Variants in SUN1 observed in about 807,000 individuals in gnomAD.
The protein encoded by SUN1 is Sad1 and UNC84 domain containing 1.
In SUN1, 61 loss-of-function variants were observed where a neutral mutation model predicts 103.2. The ratio of observed to expected loss-of-function variants is 0.59; its 90% CI spans 0.48 to 0.73. The LOEUF (loss-of-function observed/expected upper bound fraction) is 0.73, where lower values mean the gene tolerates loss of function less well. Ranked by LOEUF, SUN1 falls within the 30% of genes least tolerant of loss-of-function variation. SUN1 has a pLI of 0.00. For synonymous variants in SUN1, 490 were observed against 425.7 expected, an observed-to-expected ratio of 1.15 and a Z score of -1.86; for missense variants, 1,052 against 1,034.6, an observed-to-expected ratio of 1.02 and a Z score of -0.23.
chr7:868,418 T>C (rs1178352206), intron 16 of SUN1: 2 of 280,794 alleles, frequency 7.1e-6, no homozygotes, highest in Admixed American at 5.1e-5. Context: ...GGCTGCAGGC[T>C]GCACCGTGGC....
intron 1 of SUN1, chr7:816,795 G>C (rs1780860156): frequency 6.8e-6 from 1 of 148,110 alleles, no homozygotes; most frequent in Non-Finnish European, 1.5e-5. Context: ...CTCAGCGCGG[G>C]CTGCGCCAGG....
intron 1 of SUN1, among the ~76,000 whole-genome samples, chr7:834,119 G>T (rs988404174): frequency 1.3e-5 from 2 of 151,194 alleles, no homozygotes; most frequent in East Asian, 3.9e-4. Flanking sequence ...GGGCTGGCTG[G>T]ATGGTGTAGG....
At chr7:851,657 A>G (rs2128384799) in intron 6 of SUN1, 175 bp downstream of exon 6, 3 of 689,076 alleles carry the variant, frequency 4.4e-6, no homozygotes, top group Non-Finnish European at 7.3e-6. Context: ...TACTTGCTGC[A>G]TGAGCGCCCT....
At chr7:861,317 T>G in intron 14 of SUN1, 63 bp from the exon 15 acceptor site, 1 of 1,571,366 alleles carries the variant, frequency 6.4e-7, no homozygotes, top group Non-Finnish European at 8.8e-7. Context: ...TCCATGGCAC[T>G]AAAACCCACG....
rs769818295 is a variant in SUN1, at chr7:873,545, CAGG to C, written c.*217_*219del. The stretch of plus-strand genomic sequence containing the variant: ...TCTGCAGGTGCAGAGGGGTCAGCAG[CAGG>C]AGAAGCGTGTTGAACACGTGGCTCT... On this transcript the variant is annotated 3_prime_UTR_variant, in exon 19 of 19. Transcript: ENST00000401592. 28 of 523,154 alleles carry C rather than the reference CAGG, an allele frequency of 5.4e-5. 1 individual carries two copies. The highest frequency in any genetic ancestry group is 2.1e-4 in the South Asian group (8 of 37,940). The allele number at this position is 523,154 out of a possible 1,614,324, so 32.4% of individuals were successfully genotyped here.
intron 15 of SUN1, among the ~76,000 whole-genome samples, chr7:863,593 C>T (rs568960987): frequency 8.3e-4 from 126 of 152,322 alleles, no homozygotes; most frequent in Middle Eastern, 3.4e-3. Context: ...GCCATCACCA[C>T]TGCCTTACCC....
At chr7:820,840 G>A (rs1467864292) in intron 1 of SUN1, among the ~76,000 whole-genome samples, 2 of 152,094 alleles carry the variant, frequency 1.3e-5, no homozygotes, top group Non-Finnish European at 2.9e-5. Context: ...AAGATTGTGA[G>A]TATTCAGTTT....
intron 1 of SUN1, 94 bp downstream of exon 1, chr7:832,695 G>T (rs886667915): frequency 1.1e-6 from 1 of 905,590 alleles, no homozygotes; most frequent in South Asian, 1.5e-5. Flanking sequence ...TAGTACTACC[G>T]ACTACATGCT....
intron 9 of SUN1, 171 bp downstream of exon 9, chr7:853,123 A>C (rs965947333): frequency 3.3e-6 from 3 of 901,896 alleles, no homozygotes; most frequent in South Asian, 3.7e-5. Context: ...GATAGTTCAA[A>C]TGCACATTTA....
chr7:863,313 T>A (rs1833779727), intron 15 of SUN1, among the ~76,000 whole-genome samples: 1 of 152,046 alleles, frequency 6.6e-6, no homozygotes, highest in South Asian at 2.1e-4. Flanking sequence ...CTGCCCGGCG[T>A]TCACCAGCGC....
chr7:836,228 G>T (rs1283870577), intron 1 of SUN1, among the ~76,000 whole-genome samples: 3 of 152,164 alleles, frequency 2.0e-5, no homozygotes, highest in Non-Finnish European at 4.4e-5. Context: ...ACGAGGAAGG[G>T]CCTCCTGCAG....
At chr7:817,170 G>C in intron 1 of SUN1, 3 of 512,862 alleles carry the variant, frequency 5.8e-6, no homozygotes, top group Non-Finnish European at 1.1e-5. Context: ...GTGTTTCCCA[G>C]GCTGGTCTCG....
intron 1 of SUN1, among the ~76,000 whole-genome samples, chr7:836,962 G>A (rs909973307): frequency 6.6e-6 from 1 of 152,228 alleles, no homozygotes; most frequent in Non-Finnish European, 1.5e-5. Context: ...GATGGAGGGG[G>A]TCTGAGAAGG....
intron 1 of SUN1, among the ~76,000 whole-genome samples, chr7:838,050 C>G (rs1034980874): frequency 4.6e-5 from 7 of 152,162 alleles, no homozygotes; most frequent in Non-Finnish European, 8.8e-5. Context: ...TTTGTATTAA[C>G]TTACTGTTGG....
chr7:816,453 C>G (rs1239509717), upstream of SUN1, among the ~76,000 whole-genome samples: 1 of 148,738 alleles, frequency 6.7e-6, no homozygotes, highest in East Asian at 2.0e-4. Flanking sequence ...CCCTCTCCCC[C>G]TCCCCTTCCC....
intron 1 of SUN1, among the ~76,000 whole-genome samples, chr7:818,604 T>G (rs1049974999): frequency 6.6e-6 from 1 of 152,246 alleles, no homozygotes; most frequent in African/African-American, 2.4e-5. Flanking sequence ...TTTAGCTTTT[T>G]GAGGAACTGC....
chr7:817,140 T>G, intron 1 of SUN1: 1 of 398,964 alleles, frequency 2.5e-6, no homozygotes, highest in Non-Finnish European at 4.6e-6. Context: ...ACGGTTTTAT[T>G]TAAGAGGGGG....
intron 10 of SUN1, among the ~76,000 whole-genome samples, chr7:854,015 G>A (rs1269642146): frequency 5.3e-5 from 8 of 152,108 alleles, no homozygotes; most frequent in South Asian, 2.1e-4. Flanking sequence ...GGTCCCAGAC[G>A]CACTTCTCGG....
intron 1 of SUN1, among the ~76,000 whole-genome samples, chr7:827,157 G>A (rs1369029075): frequency 6.6e-6 from 1 of 152,066 alleles, no homozygotes. Context: ...AAGTAGTTGG[G>A]ACTACAGGCA....
Sources: gnomAD v4.1 joint callset for allele counts (sites outside exome capture counted in the v4.1 genomes callset) on GRCh38, gnomAD v4.1.1 for gene constraint, MANE v1.5 for transcripts, NCBI Gene and HGNC (gene_info 2026-07-23, HGNC 2026-07-21) for gene names.